NSD3: variants seen among roughly 807,000 people sequenced by gnomAD.
NSD3 encodes the protein nuclear receptor binding SET domain protein 3, also known as histone-lysine N-methyltransferase NSD3.
NSD3 carries 24 observed loss-of-function variants against 160.8 expected under a neutral mutation model. The ratio of observed to expected loss-of-function variants is 0.15; its 90% CI spans 0.11 to 0.21. The LOEUF (loss-of-function observed/expected upper bound fraction) is 0.21. Among genes scored for constraint, NSD3 ranks in the 10% least tolerant of loss-of-function variants. NSD3 has a pLI of 1.00. For synonymous variants in NSD3, 520 were observed against 600.0 expected, an observed-to-expected ratio of 0.87 and a Z score of 1.95; for missense variants, 1,157 against 1,735.9, an observed-to-expected ratio of 0.67 and a Z score of 5.93.
chr8:38,340,379 C>T (rs1482039853), intron 2 of NSD3, among the ~76,000 whole-genome samples: 1 of 152,184 alleles, frequency 6.6e-6, no homozygotes, highest in Admixed American at 6.5e-5. Flanking sequence ...CTGCTGTTGC[C>T]TAGGCTGGAG....
At chr8:38,301,695 C>A (rs572352863) in intron 14 of NSD3, among the ~76,000 whole-genome samples, 78 of 152,258 alleles carry the variant, frequency 5.1e-4, no homozygotes, top group African/African-American at 1.8e-3. Context: ...AAATACTAGT[C>A]CCTCCATTTA....
chr8:38,317,837 AATG>A lies in NSD3; in HGVS notation c.1855+1055_1855+1057del. The A allele has an allele frequency of 3.3e-6, 5 of 1,512,456 alleles. No homozygotes were observed. Among genetic ancestry groups the A allele is most frequent in the Non-Finnish European group, 4.4e-6 (5 of 1,129,802 alleles). The allele number at this position is 1,512,456 out of a possible 1,614,324, so 93.7% of individuals were successfully genotyped here. A position where few individuals can be genotyped will look rare whatever the true frequency, so the allele number is the denominator to read the frequency against. The stretch of plus-strand genomic sequence containing the variant: ...AGAAACCAGGCAGGAAAATGCCAAT[AATG>A]ATGATTGGCGAAATCAAAATCGAAA... On this transcript the variant is annotated intron_variant, in intron 9 of 23. Transcript: ENST00000317025. This position sits in a 1 kb window ranked among gnomAD's most constrained non-coding sequence, Gnocchi z 5.3.
At chr8:38,378,731 G>A (rs1811463628) in intron 1 of NSD3, among the ~76,000 whole-genome samples, 1 of 151,572 alleles carries the variant, frequency 6.6e-6, no homozygotes, top group African/African-American at 2.4e-5. Context: ...GCTAAGGCAC[G>A]AGAATCACTT....
In NSD3 at chr8:38,272,688, A is replaced by C. The variant is rs540011138; in HGVS notation, c.*2953T>G. 3.3e-5 allele frequency: 5 copies of C among 152,372 alleles called. No individual in the cohort carries two copies. The South Asian group carries it at 1.0e-3, about 32-fold the overall frequency. 9.4% of individuals were successfully genotyped at this position (152,372 alleles called of 1,614,324 possible). A position where few individuals can be genotyped will look rare whatever the true frequency, so the allele number is the denominator to read the frequency against. The stretch of plus-strand genomic sequence containing the variant: ...TTAAAAAAAATACCACCATTAGCCC[A>C]TGCTGCTTTAAGTTATTTCATTGTT... On this transcript the variant is annotated 3_prime_UTR_variant, in exon 24 of 24. Transcript: ENST00000317025.
intron 1 of NSD3, among the ~76,000 whole-genome samples, chr8:38,348,606 T>C (rs1423771205): frequency 2.0e-5 from 3 of 152,198 alleles, no homozygotes; most frequent in Non-Finnish European, 4.4e-5. Flanking sequence ...TCCTTTAAAA[T>C]CATTCATATT....
At chr8:38,358,372 G>A (rs139835339) in intron 1 of NSD3, among the ~76,000 whole-genome samples, 3 of 152,188 alleles carry the variant, frequency 2.0e-5, no homozygotes, top group African/African-American at 7.2e-5. Context: ...GGATCCAGAT[G>A]TTTCTTTATA....
chr8:38,286,229 G>A (rs1808851702), intron 19 of NSD3, among the ~76,000 whole-genome samples: 2 of 152,112 alleles, frequency 1.3e-5, no homozygotes, highest in Admixed American at 1.3e-4. Flanking sequence ...GGCATGCTGG[G>A]AATCCCATGT....
intron 1 of NSD3, among the ~76,000 whole-genome samples, chr8:38,363,210 T>G (rs1400378626): frequency 6.6e-6 from 1 of 152,216 alleles, no homozygotes; most frequent in East Asian, 1.9e-4. Context: ...AACATAGGAA[T>G]GGCAGCAAAC....
At chr8:38,377,084 G>A (rs1389522260) in intron 1 of NSD3, among the ~76,000 whole-genome samples, 1 of 152,018 alleles carries the variant, frequency 6.6e-6, no homozygotes, top group Non-Finnish European at 1.5e-5. Flanking sequence ...ACGGAGTCTC[G>A]CTTTGCCTAC....
intron 12 of NSD3, among the ~76,000 whole-genome samples, chr8:38,314,310 G>A (rs1278683762): frequency 6.6e-6 from 1 of 152,128 alleles, no homozygotes; most frequent in East Asian, 1.9e-4. Context: ...ACTTCTTCCA[G>A]TCTCTTAAAG....
At chr8:38,292,462 C>T (rs1357637951) in intron 16 of NSD3, among the ~76,000 whole-genome samples, 3 of 151,926 alleles carry the variant, frequency 2.0e-5, no homozygotes, top group East Asian at 1.9e-4. Flanking sequence ...GCCTGGCCAA[C>T]ATGGTGAAAC....
chr8:38,286,629 C>G (rs1423052810), intron 19 of NSD3, among the ~76,000 whole-genome samples: 2 of 152,166 alleles, frequency 1.3e-5, no homozygotes, highest in Non-Finnish European at 2.9e-5. Flanking sequence ...CAAGTCACTC[C>G]CTAGTAAAAT....
At chr8:38,306,980 T>C (rs1009618312) in intron 12 of NSD3, among the ~76,000 whole-genome samples, 2 of 151,624 alleles carry the variant, frequency 1.3e-5, no homozygotes, top group Non-Finnish European at 2.9e-5. Flanking sequence ...CCGGGTGTGG[T>C]GGCGGGCGCC....
intron 16 of NSD3, among the ~76,000 whole-genome samples, chr8:38,293,411 G>A (rs191992374): frequency 8.4e-4 from 128 of 151,756 alleles, no homozygotes; most frequent in Admixed American, 2.7e-3. Flanking sequence ...TTAGCCAGGC[G>A]TGGTGGAGCG....
chr8:38,310,789 G>T (rs1306451825), intron 12 of NSD3, among the ~76,000 whole-genome samples: 2 of 151,874 alleles, frequency 1.3e-5, no homozygotes, highest in African/African-American at 4.8e-5. Context: ...TTGGATTACA[G>T]GTGTGAGACA....
chr8:38,352,119 G>A (rs1810718467), intron 1 of NSD3, among the ~76,000 whole-genome samples: 1 of 151,830 alleles, frequency 6.6e-6, no homozygotes, highest in African/African-American at 2.4e-5. Flanking sequence ...ATAATAGACT[G>A]ATTAACAGTG....
At chr8:38,347,443 C>T in intron 2 of NSD3, 54 bp downstream of exon 2, 1 of 1,519,750 alleles carries the variant, frequency 6.6e-7, no homozygotes, top group Non-Finnish European at 8.8e-7. Flanking sequence ...ATCTCTTGAA[C>T]TTCCAGTAAA....
intron 12 of NSD3, among the ~76,000 whole-genome samples, chr8:38,307,131 AAAT>A (rs1444792030): frequency 5.4e-4 from 57 of 105,616 alleles, no homozygotes; most frequent in African/African-American, 1.6e-3. Context: ...AAAAAAAATA[AAAT>A]AAAATAAATA....
At chr8:38,314,867 C>G (rs1281849392) in intron 11 of NSD3, 94 bp from the exon 12 acceptor site, 2 of 1,369,296 alleles carry the variant, frequency 1.5e-6, no homozygotes, top group Non-Finnish European at 2.0e-6. Context: ...GGTCCCTCAC[C>G]CACAGACTGT....
Sources: allele counts gnomAD v4.1 joint callset (sites outside exome capture counted in the v4.1 genomes callset), GRCh38; gene constraint gnomAD v4.1.1; non-coding constraint Gnocchi (gnomAD v3.1); transcripts MANE v1.5; gene names NCBI Gene and HGNC (gene_info 2026-07-23, HGNC 2026-07-21).